The following CCDC178 variants were observed in gnomAD, a reference collection of about 807,000 sequenced individuals.
The protein encoded by CCDC178 is coiled-coil domain containing 178.
Under a neutral mutation model 117.4 loss-of-function variants are expected in CCDC178, and 126 were observed. That is an observed-to-expected ratio of 1.07 (90% CI 0.93 to 1.24). CCDC178 has a LOEUF of 1.24. CCDC178 is among the 50% of genes most tolerant of loss of function. The pLI is 0.00. For synonymous variants in CCDC178, 283 were observed against 313.4 expected (o/e 0.90, Z 1.02); for missense variants, 1,030 against 986.9 (o/e 1.04, Z -0.59).
intron 9 of CCDC178, among the ~76,000 whole-genome samples, chr18:33,345,319 CA>C (rs2062877030): frequency 6.6e-6 from 1 of 152,060 alleles, no homozygotes; most frequent in African/African-American, 2.4e-5. Flanking sequence ...GTAGAACAAA[CA>C]AACAAACAAA....
At chr18:33,320,023 C>A (rs12962210) in intron 11 of CCDC178, among the ~76,000 whole-genome samples, 40,569 of 151,982 alleles carry the variant, frequency 0.27, 5,716 homozygotes, top group East Asian at 0.49. Flanking sequence ...GCAGAAAAGG[C>A]CTTTGACAAA....
chr18:32,962,874 A>G (rs1794373000), intron 22 of CCDC178, among the ~76,000 whole-genome samples: 1 of 152,120 alleles, frequency 6.6e-6, no homozygotes, highest in Non-Finnish European at 1.5e-5. Context: ...TACAAAAAAT[A>G]CCTAAGAAGT....
At chr18:33,329,268 G>A (rs1401335280) in intron 10 of CCDC178, among the ~76,000 whole-genome samples, 2 of 152,180 alleles carry the variant, frequency 1.3e-5, no homozygotes, top group Non-Finnish European at 2.9e-5. Flanking sequence ...TTTCTAATTT[G>A]TGTGCCTTTT....
At chr18:33,028,466 T>G (rs2056271841) in intron 21 of CCDC178, among the ~76,000 whole-genome samples, 1 of 151,808 alleles carries the variant, frequency 6.6e-6, no homozygotes, top group Non-Finnish European at 1.5e-5. Context: ...CAACCAGGTT[T>G]GAATAAAGGT....
intron 10 of CCDC178, chr18:33,328,222 C>T (rs1311672978): frequency 3.2e-5 from 8 of 250,310 alleles, no homozygotes; most frequent in Non-Finnish European, 6.1e-5. Flanking sequence ...TCTGCCTCCA[C>T]CTTCTGGGTA....
At chr18:33,271,361 T>A (rs1408650405) in intron 12 of CCDC178, among the ~76,000 whole-genome samples, 2 of 151,222 alleles carry the variant, frequency 1.3e-5, no homozygotes, top group Admixed American at 6.6e-5. Flanking sequence ...ACATGGGAGA[T>A]CAAAGACACA....
intron 3 of CCDC178, among the ~76,000 whole-genome samples, chr18:33,410,339 G>A (rs2063833556): frequency 6.6e-6 from 1 of 152,080 alleles, no homozygotes; most frequent in African/African-American, 2.4e-5. Context: ...TATTTTAAAT[G>A]AATAACTTGT....
At chr18:33,396,282 T>C (rs972356694) in intron 4 of CCDC178, among the ~76,000 whole-genome samples, 2 of 152,058 alleles carry the variant, frequency 1.3e-5, no homozygotes, top group Non-Finnish European at 2.9e-5. Flanking sequence ...TGTCAATACT[T>C]TAAAAATCTA....
chr18:33,020,992 G>T (rs2056105291), intron 21 of CCDC178, among the ~76,000 whole-genome samples: 1 of 152,154 alleles, frequency 6.6e-6, no homozygotes, highest in Non-Finnish European at 1.5e-5. Flanking sequence ...CAATCAGTGG[G>T]AGAGTGATTT....
intron 11 of CCDC178, among the ~76,000 whole-genome samples, chr18:33,307,918 A>G (rs1280300237): frequency 6.6e-6 from 1 of 152,212 alleles, no homozygotes; most frequent in African/African-American, 2.4e-5. Flanking sequence ...TTCAGAGGAT[A>G]TAGGGAAACA....
chr18:32,982,296 T>C (rs2055169895), intron 21 of CCDC178, among the ~76,000 whole-genome samples: 1 of 152,122 alleles, frequency 6.6e-6, no homozygotes. Context: ...CTTATAAGAA[T>C]CAGACATCAC....
intron 21 of CCDC178, among the ~76,000 whole-genome samples, chr18:33,057,203 A>C (rs1028437210): frequency 6.6e-6 from 1 of 152,152 alleles, no homozygotes; most frequent in African/African-American, 2.4e-5. Context: ...ACATAGCAAG[A>C]CTTTATTTCA....
chr18:33,426,652 T>C (rs2064129269), intron 2 of CCDC178, among the ~76,000 whole-genome samples: 2 of 152,234 alleles, frequency 1.3e-5, no homozygotes, highest in Admixed American at 1.3e-4. Flanking sequence ...TACTTCTCAC[T>C]ACAAAACGTA....
At chr18:33,167,721 C>A (rs562048439) in intron 20 of CCDC178, among the ~76,000 whole-genome samples, 7 of 151,820 alleles carry the variant, frequency 4.6e-5, no homozygotes, top group East Asian at 3.9e-4. Context: ...AAAAAAAATA[C>A]CCGGGCGTGG....
rs192803415 is a variant in CCDC178 at position 33,359,800 on chromosome 18, T to G, written c.349-3454A>C. Among the ~76,000 whole-genome samples the G allele has an allele frequency of 7.9e-5, 12 of 151,632 alleles. No individual in the cohort carries two copies. The East Asian group carries it at 2.3e-3, about 29-fold the overall frequency. ...GGAGAGCTAAAATTGCCCGATTCGA[T>G]GTAGTTTAAAATATTATTACATTAT... On this transcript the variant is annotated intron_variant, in intron 6 of 22. Transcript: ENST00000383096.
chr18:33,200,559 C>T (rs1318249006), intron 20 of CCDC178, among the ~76,000 whole-genome samples: 2 of 152,306 alleles, frequency 1.3e-5, no homozygotes, highest in Non-Finnish European at 2.9e-5. Context: ...GATCTACAAA[C>T]GCTATAAACC....
chr18:33,093,207 A>C (rs113683831), intron 20 of CCDC178, among the ~76,000 whole-genome samples: 47 of 151,958 alleles, frequency 3.1e-4, no homozygotes, highest in Middle Eastern at 3.4e-3. Flanking sequence ...ACTTCCCTCT[A>C]TCATGCCTTG....
At chr18:33,349,599 G>C (rs1042897000) in intron 7 of CCDC178, among the ~76,000 whole-genome samples, 1 of 151,618 alleles carries the variant, frequency 6.6e-6, no homozygotes, top group Non-Finnish European at 1.5e-5. Context: ...TCTTTCTCTG[G>C]TGTGATTCTA....
intron 14 of CCDC178, among the ~76,000 whole-genome samples, chr18:33,254,773 C>G (rs2059659788): frequency 6.6e-6 from 1 of 151,958 alleles, no homozygotes; most frequent in Admixed American, 6.6e-5. Flanking sequence ...AAATTCCTAT[C>G]AGAAGAATAT....
Sources: allele counts gnomAD v4.1 joint callset (sites outside exome capture counted in the v4.1 genomes callset), GRCh38; gene constraint gnomAD v4.1.1; transcripts MANE v1.5; gene names NCBI Gene and HGNC (gene_info 2026-07-23, HGNC 2026-07-21).